The following PICK1 variants were observed in gnomAD, a reference collection of about 807,000 sequenced individuals.
The protein encoded by PICK1 is PRKCA-binding protein.
PICK1 carries 23 observed loss-of-function variants against 48.9 expected under a neutral mutation model. That is an observed-to-expected ratio of 0.47 (90% confidence interval 0.34 to 0.67). The LOEUF is 0.67. Ranked by LOEUF, PICK1 falls within the 30% of genes least tolerant of loss-of-function variation. The pLI, the probability that PICK1 is intolerant of heterozygous loss-of-function variation, is 0.01. For missense variants in PICK1, 423 were observed against 557.1 expected (o/e 0.76, Z 2.42); for synonymous variants, 217 against 228.2 (o/e 0.95, Z 0.44).
Position 38,073,195 on chromosome 22 carries a change from A to G in PICK1, c.783+103A>G. ...CGGCCAGCGAGGCCAGCCAGAGCTG[A>G]CAGCATGTCTGCTCCAGGTGTGGGC... is the stretch of plus-strand genomic sequence containing the variant. On this transcript the variant is annotated intron_variant, in intron 10 of 12. Transcript: ENST00000356976. The surrounding 1 kb of genome is among the most constrained non-coding windows in gnomAD (Gnocchi z 5.7). 2.5e-6 allele frequency: 2 copies of G among 810,562 alleles called. No individual in the cohort carries two copies. Among genetic ancestry groups the G allele is most frequent in the East Asian group, 5.0e-5 (2 of 39,928 alleles). The allele number at this position is 810,562 out of a possible 1,614,324, so 50.2% of individuals were successfully genotyped here.
At position 38,057,787 on chromosome 22, in the gene PICK1, A is replaced by C. The variant is rs1216294382; in HGVS notation, c.-23A>C. 10 of 1,609,866 alleles carry C rather than the reference A, an allele frequency of 6.2e-6. No homozygotes were observed. In the Admixed American group the frequency reaches 1.0e-4, roughly 16 times the overall value. On this transcript the variant is annotated 5_prime_UTR_variant, in exon 2 of 13. Coordinates refer to ENST00000356976, the MANE Select transcript of PICK1 (RefSeq NM_012407.4). ...CCCCTACCGAGCTGGGCAGTTAGCC[A>C]GCCCACTCCAACTCTCGGAACCATG...
intron 4 of PICK1, chr22:38,067,398 C>T (rs978880035): frequency 2.9e-5 from 11 of 373,068 alleles, no homozygotes; most frequent in African/African-American, 2.3e-4. Flanking sequence ...CAACCTCCGC[C>T]TCCCAGGTTC....
chr22:38,063,932 T>C (rs2085465681), intron 3 of PICK1, among the ~76,000 whole-genome samples: 1 of 152,220 alleles, frequency 6.6e-6, no homozygotes, highest in Non-Finnish European at 1.5e-5. Context: ...ACTTGGATCT[T>C]AGGTGTCACA....
intron 4 of PICK1, chr22:38,067,489 A>AAT (rs1178700862): frequency 1.2e-5 from 6 of 516,414 alleles, no homozygotes; most frequent in Non-Finnish European, 2.2e-5. Flanking sequence ...TTGTATTTTT[A>AAT]ATAGAGATGG....
chr22:38,067,491 TAG>T lies in PICK1; in HGVS notation c.283-209_283-208del, dbSNP rs1481753113. 8.2e-5 allele frequency: 43 copies of T among 524,606 alleles called. No homozygotes were observed. The Middle Eastern group carries it at 1.6e-3, about 20-fold the overall frequency. The allele number at this position is 524,606 out of a possible 1,614,324, so 32.5% of individuals were successfully genotyped here. ...GCCCAGCTAATTTTTGTATTTTTAA[TAG>T]AGATGGGGTTTTGCCATGTTGCCCA... On this transcript the variant is annotated intron_variant, in intron 4 of 12. Transcript: ENST00000356976.
In PICK1 at chr22:38,073,984, G is replaced by A; in HGVS notation, c.834+161G>A. 1.3e-6 allele frequency: 1 copy of A among 750,398 alleles called. No homozygotes were observed. The highest frequency in any genetic ancestry group is 2.3e-6 in the Non-Finnish European group (1 of 443,982). The allele number at this position is 750,398 out of a possible 1,614,324, so 46.5% of individuals were successfully genotyped here. A position where few individuals can be genotyped will look rare whatever the true frequency, so the allele number is the denominator to read the frequency against. On this transcript the variant is annotated intron_variant, in intron 11 of 12. Coordinates refer to ENST00000356976, the MANE Select transcript of PICK1 (RefSeq NM_012407.4). The surrounding 1 kb of genome is among the most constrained non-coding windows in gnomAD (Gnocchi z 5.7). ...TCCCAGTCCCGCTCGCTGGGCCTCG[G>A]GGTGCTGGGCACCCGGCCGGGAACC... is the stretch of plus-strand genomic sequence containing the variant.
chr22:38,069,134 C>T lies in PICK1; in HGVS notation c.439+12C>T. ...CATCCTGTGCAATGGTGAGTCCCTT[C>T]CCACCCAGCTGGGGCCCCGGGGACT... On this transcript the variant is annotated intron_variant, in intron 6 of 12. Coordinates refer to ENST00000356976, the MANE Select transcript of PICK1 (RefSeq NM_012407.4). 6.3e-7 allele frequency: 1 copy of T among 1,593,912 alleles called. No individual in the cohort carries two copies. The highest frequency in any genetic ancestry group is 8.6e-7 in the Non-Finnish European group (1 of 1,168,948).
In PICK1 at chr22:38,066,904, TC is replaced by T. The variant is rs1156782701; in HGVS notation, c.283-797del. 2.0e-5 allele frequency among the ~76,000 whole-genome samples: 3 copies of T among 152,174 alleles called. No homozygotes were observed. Among genetic ancestry groups the T allele is most frequent in the Non-Finnish European group, 2.9e-5 (2 of 68,030 alleles). ...GTCGTTAGAAAGTGGTTTGTGTAATTCCCTGATTCGCATCAGCCTTGCGGGG... is the reference window on the plus strand; with the variant it reads ...GTCGTTAGAAAGTGGTTTGTGTAATTCCTGATTCGCATCAGCCTTGCGGGG... On this transcript the variant is annotated intron_variant, in intron 4 of 12. Transcript: ENST00000356976. This position sits in a 1 kb window ranked among gnomAD's most constrained non-coding sequence, Gnocchi z 4.1.
Position 38,074,339 on chromosome 22 carries a change from C to T in PICK1, c.867C>T (p.Thr289=), listed in dbSNP as rs760174245. 5.6e-6 allele frequency: 9 copies of T among 1,612,886 alleles called. No homozygotes were observed. The South Asian group carries it at 8.8e-5, about 16-fold the overall frequency. ...ALGEPLYRVS[T]GNYEYRLILR... is the part of the protein sequence containing the mutation. ...GCGAGCCCCTTTACCGGGTGAGCAC[C>T]GGCAACTATGAGTACCGCCTGATCC... Residue 289 remains threonine (T), a synonymous_variant, in exon 12 of 13, where the codon ACC becomes ACT. Transcript: ENST00000356976. This position sits in a 1 kb window ranked among gnomAD's most constrained non-coding sequence, Gnocchi z 4.5.
chr22:38,074,681 C>T lies in PICK1; in HGVS notation c.980-183C>T, dbSNP rs1022766687. On this transcript the variant is annotated intron_variant, in intron 12 of 12. Transcript: ENST00000356976. This position sits in a 1 kb window ranked among gnomAD's most constrained non-coding sequence, Gnocchi z 4.5. ...CCTCCTGCGTTCCCTGAACTGGGAG[C>T]GGGGAGGCCCCGGGCTGGGCGGCCC... Among the ~76,000 whole-genome samples, 1 of 151,720 alleles carries T rather than the reference C, an allele frequency of 6.6e-6. No individual in the cohort carries two copies. Among genetic ancestry groups the T allele is most frequent in the Admixed American group, 6.6e-5 (1 of 15,256 alleles).
intron 6 of PICK1, among the ~76,000 whole-genome samples, chr22:38,070,336 C>G (rs2085647019): frequency 6.6e-6 from 1 of 152,254 alleles, no homozygotes; most frequent in African/African-American, 2.4e-5. Context: ...TCAAAGTGAG[C>G]CTGACATGGT....
chr22:38,073,973 G>A lies in PICK1; in HGVS notation c.834+150G>A, dbSNP rs1379973904. 1 of 801,476 alleles carries A rather than the reference G, an allele frequency of 1.2e-6. No homozygotes were observed. The highest frequency in any genetic ancestry group is 2.1e-6 in the Non-Finnish European group (1 of 482,606). The allele number at this position is 801,476 out of a possible 1,614,324, so 49.6% of individuals were successfully genotyped here. ...TAGGGCCATCTTCCCAGTCCCGCTC[G>A]CTGGGCCTCGGGGTGCTGGGCACCC... is the stretch of plus-strand genomic sequence containing the variant. On this transcript the variant is annotated intron_variant, in intron 11 of 12. Coordinates refer to ENST00000356976, the MANE Select transcript of PICK1 (RefSeq NM_012407.4). The surrounding 1 kb of genome is among the most constrained non-coding windows in gnomAD (Gnocchi z 5.7).
In PICK1 at chr22:38,070,965, G is replaced by A; in HGVS notation, c.493+74G>A. 4 of 1,225,106 alleles carry A rather than the reference G, an allele frequency of 3.3e-6. No individual in the cohort carries two copies. The Admixed American group carries it at 6.8e-5, about 21-fold the overall frequency. The allele number at this position is 1,225,106 out of a possible 1,614,324, so 75.9% of individuals were successfully genotyped here. On this transcript the variant is annotated intron_variant, in intron 7 of 12. Transcript: ENST00000356976. ...ATGCTCTCAGCAGAGTGGCAACAGGGGTGCTGGCACTAGGAATGCCAGCCT... is the reference window on the plus strand; with the variant it reads ...ATGCTCTCAGCAGAGTGGCAACAGGAGTGCTGGCACTAGGAATGCCAGCCT...
At chr22:38,072,660 G>C (rs2085729895) in intron 9 of PICK1, 50 bp downstream of exon 9, 1 of 1,606,452 alleles carries the variant, frequency 6.2e-7, no homozygotes, top group Admixed American at 1.7e-5. Flanking sequence ...GTGGGGAGGG[G>C]AGAGTGTGGC....
rs541059546 is a variant in PICK1, at chr22:38,065,693, C to A, written c.282+563C>A. Among the ~76,000 whole-genome samples the A allele has an allele frequency of 2.3e-3, 356 of 152,320 alleles. 2 individuals are homozygous for A. The highest frequency in any genetic ancestry group is 8.3e-3 in the African/African-American group (344 of 41,568). On this transcript the variant is annotated intron_variant, in intron 4 of 12. Coordinates refer to ENST00000356976, the MANE Select transcript of PICK1 (RefSeq NM_012407.4). ...TCACACACTGCCTGCCCCGCTTTCC[C>A]CCACCCCTGCCGCTCCAGGACTGGA...
chr22:38,068,171 C>T, intron 5 of PICK1: 1 of 462,692 alleles, frequency 2.2e-6, no homozygotes, highest in Non-Finnish European at 4.4e-6. Flanking sequence ...ACAGCGCACT[C>T]CTCCCTGGCC....
intron 3 of PICK1, among the ~76,000 whole-genome samples, chr22:38,060,517 G>T (rs2085372940): frequency 6.6e-6 from 1 of 152,152 alleles, no homozygotes; most frequent in Non-Finnish European, 1.5e-5. Context: ...TTGCTCAGGA[G>T]TCGCTTGTAG....
rs1601948861 is a variant in PICK1 at position 38,067,896 on chromosome 22, G to A, written c.349+126G>A. ...CAGGAGAATCCAGAGTTACATGGCTGTGGGCTCTGACCTCTGACCAAGCAA... is the reference window on the plus strand; with the variant it reads ...CAGGAGAATCCAGAGTTACATGGCTATGGGCTCTGACCTCTGACCAAGCAA... On this transcript the variant is annotated intron_variant, in intron 5 of 12. Transcript: ENST00000356976. The A allele has an allele frequency of 1.2e-5, 10 of 823,868 alleles. No individual in the cohort carries two copies. The East Asian group carries it at 2.4e-4, about 20-fold the overall frequency. 51.0% of individuals were successfully genotyped at this position (823,868 alleles called of 1,614,324 possible).
At chr22:38,060,751 A>ATT (rs10639701) in intron 3 of PICK1, among the ~76,000 whole-genome samples, 32,926 of 142,072 alleles carry the variant, frequency 0.23, 4,194 homozygotes, top group Non-Finnish European at 0.28. Context: ...AGTATAATTG[A>ATT]TTTTTTTTTT....
Sources: allele counts gnomAD v4.1 joint callset (sites outside exome capture counted in the v4.1 genomes callset), GRCh38; gene constraint gnomAD v4.1.1; non-coding constraint Gnocchi (gnomAD v3.1); transcripts MANE v1.5; gene names NCBI Gene and HGNC (gene_info 2026-07-23, HGNC 2026-07-21).